The following RREB1 variants were observed in gnomAD, a reference collection of about 807,000 sequenced individuals.
RREB1 encodes the protein ras responsive element binding protein 1.
A neutral mutation model predicts 117.8 loss-of-function variants in RREB1; 27 were observed. The ratio of observed to expected loss-of-function variants is 0.23; its 90% CI spans 0.17 to 0.32. The LOEUF is 0.32. RREB1 is among the 10% of genes least tolerant of loss of function. RREB1 has a pLI of 1.00. For synonymous variants in RREB1, 1,298 were observed against 1,026.7 expected (o/e 1.26, Z -5.05); for missense variants, 2,577 against 2,378.2 (o/e 1.08, Z -1.74).
intron 1 of RREB1, among the ~76,000 whole-genome samples, chr6:7,125,896 G>A (rs776120960): frequency 7.2e-5 from 11 of 152,164 alleles, no homozygotes; most frequent in Admixed American, 3.3e-4. Context: ...TGAGGGCATC[G>A]GAGCAAGTTA....
intron 6 of RREB1, among the ~76,000 whole-genome samples, chr6:7,194,178 T>C (rs4959430): frequency 0.36 from 54,417 of 152,090 alleles, 9,924 homozygotes; most frequent in Middle Eastern, 0.4. Context: ...TTTTATAGCA[T>C]AGCCCTTGGT....
chr6:7,136,370 G>A (rs1561737202), intron 1 of RREB1, among the ~76,000 whole-genome samples: 1 of 152,200 alleles, frequency 6.6e-6, no homozygotes, highest in African/African-American at 2.4e-5. Context: ...CCCCCCTTCA[G>A]TAGCTTCAGA....
At chr6:7,212,775 A>C (rs1185465828) in intron 8 of RREB1, 1 of 152,166 alleles carries the variant, frequency 6.6e-6, no homozygotes, top group African/African-American at 2.4e-5. Context: ...GCTGTGACTT[A>C]GGAATGGGAA....
intron 1 of RREB1, among the ~76,000 whole-genome samples, chr6:7,123,610 CTT>C (rs5874079): frequency 5.7e-5 from 7 of 122,840 alleles, no homozygotes; most frequent in Admixed American, 9.0e-5. Flanking sequence ...TGTGATGTGT[CTT>C]TTTTTTTTTT....
intron 1 of RREB1, among the ~76,000 whole-genome samples, chr6:7,117,186 T>G (rs184494982): frequency 3.8e-4 from 58 of 152,222 alleles, no homozygotes; most frequent in African/African-American, 1.3e-3. Flanking sequence ...TTTATAAAAA[T>G]AATCATTTTC....
At chr6:7,143,983 C>G (rs942451740) in intron 1 of RREB1, among the ~76,000 whole-genome samples, 1 of 149,012 alleles carries the variant, frequency 6.7e-6, no homozygotes, top group Non-Finnish European at 1.5e-5. Flanking sequence ...TTAATTTGCT[C>G]AAACTGTTGG....
At chr6:7,156,411 A>C (rs1252782946) in intron 1 of RREB1, among the ~76,000 whole-genome samples, 1 of 152,206 alleles carries the variant, frequency 6.6e-6, no homozygotes, top group East Asian at 1.9e-4. Flanking sequence ...TGCTCAGACC[A>C]ATCTAACCTG....
chr6:7,240,412 A>AAT lies in RREB1; in HGVS notation c.3809-19_3809-18dup, dbSNP rs767811772. Reference sequence around the variant, plus strand: ...TTTCATTGCAGTAGAAAGCCAGATAAATATATATTTTTTTTCCTGCTTCAG... The same window carrying AAT: ...TTTCATTGCAGTAGAAAGCCAGATAAATATATATATTTTTTTTCCTGCTTCAG... On this transcript the variant is annotated intron_variant, in intron 10 of 12. Coordinates refer to ENST00000379938, the MANE Select transcript of RREB1 (RefSeq NM_001003699.4). The AAT allele has an allele frequency of 5.1e-5, 81 of 1,591,348 alleles. No individual in the cohort carries two copies. The South Asian group carries it at 8.8e-4, about 17-fold the overall frequency.
chr6:7,200,283 T>TGTGTGTGTGTGTG (rs1491275718), intron 6 of RREB1, among the ~76,000 whole-genome samples: 6 of 93,954 alleles, frequency 6.4e-5, no homozygotes, highest in Non-Finnish European at 9.6e-5. Flanking sequence ...TGTGTGTGTA[T>TGTGTGTGTGTGTG]TTTTTTTTTT....
At chr6:7,240,770 G>A (rs1487283163) in intron 11 of RREB1, among the ~76,000 whole-genome samples, 168 bp downstream of exon 11, 1 of 152,206 alleles carries the variant, frequency 6.6e-6, no homozygotes, top group Non-Finnish European at 1.5e-5. Context: ...TGATGATTGG[G>A]AGGGAGTATA....
rs891480195 is a variant in RREB1 at position 7,179,556 on chromosome 6, G to A, written c.-165-1568G>A. ...CATTAAAATTGTGAGGGAGATATACGTATTTAAAAGAAGGAGGTGAGTTCA... is the reference window on the plus strand; with the variant it reads ...CATTAAAATTGTGAGGGAGATATACATATTTAAAAGAAGGAGGTGAGTTCA... On this transcript the variant is annotated intron_variant, in intron 2 of 12. Coordinates refer to ENST00000379938, the MANE Select transcript of RREB1 (RefSeq NM_001003699.4). Among the ~76,000 whole-genome samples the A allele has an allele frequency of 3.3e-5, 5 of 152,248 alleles. 1 individual carries two copies.
At chr6:7,149,070 G>A (rs952842832) in intron 1 of RREB1, among the ~76,000 whole-genome samples, 3 of 152,166 alleles carry the variant, frequency 2.0e-5, no homozygotes, top group South Asian at 4.2e-4. Context: ...CTAGAGGCGC[G>A]TGCTACCACA....
chr6:7,249,040 G>GTGCCCT lies in RREB1; in HGVS notation c.*74_*79dup. 2.6e-6 allele frequency: 3 copies of GTGCCCT among 1,171,664 alleles called. No homozygotes were observed. The highest frequency in any genetic ancestry group is 3.5e-6 in the Non-Finnish European group (3 of 862,034). 72.6% of individuals were successfully genotyped at this position (1,171,664 alleles called of 1,614,324 possible). A position where few individuals can be genotyped will look rare whatever the true frequency, so the allele number is the denominator to read the frequency against. On this transcript the variant is annotated 3_prime_UTR_variant, in exon 13 of 13. Coordinates refer to ENST00000379938, the MANE Select transcript of RREB1 (RefSeq NM_001003699.4). ...GTCTATACTTCATGGGGTTTCCTCA[G>GTGCCCT]TGCCCTTTGGCTGTTGAGGAGTGAG...
At position 7,228,921 on chromosome 6, in the gene RREB1, T is replaced by C. The variant is rs140020464; in HGVS notation, c.898-76T>C. The C allele has an allele frequency of 9.8e-5, 128 of 1,309,404 alleles. No individual in the cohort carries two copies. In the African/African-American group the frequency reaches 1.5e-3, roughly 15 times the overall value. The allele number at this position is 1,309,404 out of a possible 1,614,324, so 81.1% of individuals were successfully genotyped here. ...TGGGATAAATGTACAACAAATACTT[T>C]GTGCATCTCCGTTTAGTGATTATTT... On this transcript the variant is annotated intron_variant, in intron 9 of 12. Coordinates refer to ENST00000379938, the MANE Select transcript of RREB1 (RefSeq NM_001003699.4).
At chr6:7,120,170 G>A (rs1761611208) in intron 1 of RREB1, among the ~76,000 whole-genome samples, 1 of 150,666 alleles carries the variant, frequency 6.6e-6, no homozygotes, top group Non-Finnish European at 1.5e-5. Flanking sequence ...ATGTACCTAG[G>A]CCGGGCGTGG....
At chr6:7,157,667 A>C (rs1763444408) in intron 1 of RREB1, among the ~76,000 whole-genome samples, 1 of 151,758 alleles carries the variant, frequency 6.6e-6, no homozygotes, top group African/African-American at 2.4e-5. Context: ...AGCATTTGAG[A>C]AGCTGAGGTC....
At chr6:7,146,638 A>G (rs1221697938) in intron 1 of RREB1, among the ~76,000 whole-genome samples, 1 of 152,152 alleles carries the variant, frequency 6.6e-6, no homozygotes, top group Non-Finnish European at 1.5e-5. Flanking sequence ...TAAACATACC[A>G]TATATAGTCA....
intron 1 of RREB1, among the ~76,000 whole-genome samples, chr6:7,115,166 T>TGA (rs1761336566): frequency 6.6e-6 from 1 of 152,120 alleles, no homozygotes; most frequent in Non-Finnish European, 1.5e-5. Flanking sequence ...CATCTCCTCT[T>TGA]GAGAGGGTGG....
chr6:7,240,705 C>A, intron 11 of RREB1, 103 bp downstream of exon 11: 1 of 1,054,984 alleles, frequency 9.5e-7, no homozygotes, highest in Non-Finnish European at 1.4e-6. Context: ...GCTGCTTGTT[C>A]ACTTCTCTGT....
Sources: allele counts gnomAD v4.1 joint callset (sites outside exome capture counted in the v4.1 genomes callset), GRCh38; gene constraint gnomAD v4.1.1; transcripts MANE v1.5; gene names NCBI Gene and HGNC (gene_info 2026-07-23, HGNC 2026-07-21).